The following ACSF3 variants were observed in gnomAD, a reference collection of about 807,000 sequenced individuals.
ACSF3 encodes the protein acyl-CoA synthetase family member 3, also known as malonate--CoA ligase ACSF3, mitochondrial.
A neutral mutation model predicts 53.2 loss-of-function variants in ACSF3; 78 were observed. The observed-to-expected ratio is 1.47, with a 90% CI of 1.22 to 1.77. The LOEUF is 1.77. Ranked by LOEUF, ACSF3 falls within the 40% of genes most tolerant of loss-of-function variation. ACSF3 has a pLI of 0.00. For synonymous variants in ACSF3, 414 were observed against 333.1 expected, an observed-to-expected ratio of 1.24 and a Z score of -2.65; for missense variants, 937 against 771.1, an observed-to-expected ratio of 1.22 and a Z score of -2.55.
rs1914663624 is a variant in ACSF3 at position 89,155,950 on chromosome 16, G to A, written c.*1743G>A. 2 of 363,184 alleles carry A rather than the reference G, an allele frequency of 5.5e-6. No individual in the cohort carries two copies. The highest frequency in any genetic ancestry group is 4.3e-5 in the South Asian group (2 of 46,980). The allele number at this position is 363,184 out of a possible 1,614,324, so 22.5% of individuals were successfully genotyped here. A position where few individuals can be genotyped will look rare whatever the true frequency, so the allele number is the denominator to read the frequency against. ...GCTCATTGACCAGAAACTGCAGAGA[G>A]CCTGGAGCTCGTTGACCACAAACTA... On this transcript the variant is annotated 3_prime_UTR_variant, in exon 11 of 11. Transcript: ENST00000614302.
At chr16:89,144,184 C>G (rs918847018) in intron 8 of ACSF3, among the ~76,000 whole-genome samples, 1 of 152,250 alleles carries the variant, frequency 6.6e-6, no homozygotes, top group East Asian at 1.9e-4. Flanking sequence ...CTGCAGCCCG[C>G]TCTTCCCGAC....
In ACSF3 at chr16:89,101,068, T is replaced by G. The variant is rs150050697; in HGVS notation, c.387T>G (p.His129Gln). ...TGGCAGTCCCCCTCTACAGGAAGCA[T>G]CCCGCGGCCCAGCTGGAGTATGTCA... ...GGVAVPLYRKHPAAQLEYVIC... is the reference protein window; with the variant it reads ...GGVAVPLYRKQPAAQLEYVIC... The change falls in exon 3 of 11, where the codon CAT becomes CAG. Residue 129 changes from histidine (H) to glutamine (Q), a missense_variant. Transcript: ENST00000614302. 14 of 1,614,000 alleles carry G rather than the reference T, an allele frequency of 8.7e-6. No homozygotes were observed. The highest frequency in any genetic ancestry group is 1.2e-5 in the Non-Finnish European group (14 of 1,179,984).
Position 89,098,754 on chromosome 16 carries a change from C to A in ACSF3, c.-30C>A, listed in dbSNP as rs548417953. On this transcript the variant is annotated 5_prime_UTR_variant, in exon 2 of 11. Transcript: ENST00000614302. Reference sequence around the variant, plus strand: ...TTCCCCTTACCTCCTCTCTCTGGCTCGGGAGCTGGGTGAGTTTGAACTTGG... The same window carrying A: ...TTCCCCTTACCTCCTCTCTCTGGCTAGGGAGCTGGGTGAGTTTGAACTTGG... 17 of 454,032 alleles carry A rather than the reference C, an allele frequency of 3.7e-5. No individual in the cohort carries two copies. The highest frequency in any genetic ancestry group is 7.5e-5 in the Non-Finnish European group (17 of 226,804). 28.1% of individuals were successfully genotyped at this position (454,032 alleles called of 1,614,324 possible).
At chr16:89,111,076 C>G (rs529037833) in intron 4 of ACSF3, among the ~76,000 whole-genome samples, 33 of 152,294 alleles carry the variant, frequency 2.2e-4, no homozygotes, top group African/African-American at 6.5e-4. Context: ...TCCATCTTCC[C>G]CACGTTGTTC....
At chr16:89,142,708 C>G (rs747913420) in intron 8 of ACSF3, among the ~76,000 whole-genome samples, 1 of 151,466 alleles carries the variant, frequency 6.6e-6, no homozygotes, top group South Asian at 2.1e-4. Flanking sequence ...TACAGGCACA[C>G]CTGCAGAGAC....
In ACSF3 at chr16:89,103,984, T is replaced by C. The variant is rs918430456; in HGVS notation, c.822+1225T>C. Among the ~76,000 whole-genome samples the C allele has an allele frequency of 4.6e-5, 7 of 152,188 alleles. No homozygotes were observed. In the East Asian group the frequency reaches 5.8e-4, roughly 13 times the overall value. ...TCGAGGCGGGACCCTGTGCACAGCA[T>C]CGGGCCTCGCCTGTCAGTTGGGGAT... On this transcript the variant is annotated intron_variant, in intron 4 of 10. Coordinates refer to ENST00000614302, the MANE Select transcript of ACSF3 (RefSeq NM_001243279.3).
At chr16:89,106,447 C>T (rs185122140) in intron 4 of ACSF3, among the ~76,000 whole-genome samples, 9 of 152,238 alleles carry the variant, frequency 5.9e-5, no homozygotes, top group African/African-American at 2.2e-4. Context: ...CACCTGCCAC[C>T]ACAGCCAGCT....
chr16:89,141,088 C>T (rs1225100776), intron 8 of ACSF3: 3 of 1,281,456 alleles, frequency 2.3e-6, no homozygotes, highest in East Asian at 1.1e-4. Flanking sequence ...TGCCCTGGAG[C>T]CCTCTGAACC....
chr16:89,141,695 A>G (rs1006407302), intron 8 of ACSF3, among the ~76,000 whole-genome samples: 1 of 152,186 alleles, frequency 6.6e-6, no homozygotes, highest in African/African-American at 2.4e-5. Context: ...TCCAGGCAGC[A>G]GTGAGGATGG....
chr16:89,120,932 G>A lies in ACSF3; in HGVS notation c.1239+19G>A. The A allele has an allele frequency of 6.2e-7, 1 of 1,610,268 alleles. No homozygotes were observed. Among genetic ancestry groups the A allele is most frequent in the Non-Finnish European group, 8.5e-7 (1 of 1,177,222 alleles). ...GACCAAGGTAAGCCACTCTGCTCTTGGCAGGTGGGCGGCCGTGTGTCCAGT... is the reference window on the plus strand; with the variant it reads ...GACCAAGGTAAGCCACTCTGCTCTTAGCAGGTGGGCGGCCGTGTGTCCAGT... On this transcript the variant is annotated intron_variant, in intron 7 of 10. Coordinates refer to ENST00000614302, the MANE Select transcript of ACSF3 (RefSeq NM_001243279.3).
intron 7 of ACSF3, among the ~76,000 whole-genome samples, chr16:89,130,898 C>T (rs1476989666): frequency 6.6e-6 from 1 of 152,132 alleles, no homozygotes; most frequent in African/African-American, 2.4e-5. Context: ...TGATTTTTCT[C>T]TGCTGTTCAG....
chr16:89,135,711 C>T (rs145561118), intron 8 of ACSF3, among the ~76,000 whole-genome samples: 41 of 152,376 alleles, frequency 2.7e-4, no homozygotes, highest in Non-Finnish European at 4.4e-4. Flanking sequence ...TTGCTCTGAG[C>T]ATCCCTCCAG....
intron 10 of ACSF3, among the ~76,000 whole-genome samples, chr16:89,146,517 A>G (rs1912990520): frequency 1.3e-5 from 2 of 152,126 alleles, no homozygotes; most frequent in Non-Finnish European, 2.9e-5. Context: ...AGGCCCACCC[A>G]TTCTCCGTCG....
chr16:89,109,406 T>G (rs1976422416), intron 4 of ACSF3, among the ~76,000 whole-genome samples: 1 of 82,880 alleles, frequency 1.2e-5, no homozygotes, highest in Non-Finnish European at 2.3e-5. Flanking sequence ...TGTTAAGCTT[T>G]TTTTTTTTTT....
At chr16:89,135,604 T>C (rs1910271096) in intron 8 of ACSF3, among the ~76,000 whole-genome samples, 1 of 152,224 alleles carries the variant, frequency 6.6e-6, no homozygotes, top group East Asian at 1.9e-4. Context: ...ATTTATCTTT[T>C]TTATACATCC....
At chr16:89,143,848 G>C (rs1912368908) in intron 8 of ACSF3, among the ~76,000 whole-genome samples, 1 of 151,532 alleles carries the variant, frequency 6.6e-6, no homozygotes, top group South Asian at 2.1e-4. Context: ...AATAGACTGA[G>C]GAGCACGCCA....
chr16:89,105,759 C>T (rs1321784154), intron 4 of ACSF3, among the ~76,000 whole-genome samples: 2 of 152,184 alleles, frequency 1.3e-5, no homozygotes, highest in African/African-American at 2.4e-5. Flanking sequence ...CGTGCCAGGG[C>T]GAGATGCAGC....
At chr16:89,123,457 C>G (rs1409093249) in intron 7 of ACSF3, among the ~76,000 whole-genome samples, 1 of 152,218 alleles carries the variant, frequency 6.6e-6, no homozygotes, top group Non-Finnish European at 1.5e-5. Flanking sequence ...GAGGGTGCCC[C>G]TCACTACCAC....
At chr16:89,109,096 G>A (rs530822080) in intron 4 of ACSF3, among the ~76,000 whole-genome samples, 16 of 151,942 alleles carry the variant, frequency 1.1e-4, no homozygotes, top group South Asian at 6.2e-4. Flanking sequence ...GCCAGGCACC[G>A]TGGTTCACAC....
Sources: gnomAD v4.1 joint callset for allele counts (sites outside exome capture counted in the v4.1 genomes callset) on GRCh38, gnomAD v4.1.1 for gene constraint, MANE v1.5 for transcripts, NCBI Gene and HGNC (gene_info 2026-07-23, HGNC 2026-07-21) for gene names.